The following ZMYM6 variants were observed in gnomAD, a reference collection of about 807,000 sequenced individuals.
ZMYM6 encodes zinc finger MYM-type protein 6.
Under a neutral mutation model 134.0 loss-of-function variants are expected in ZMYM6, and 90 were observed. That is an observed-to-expected ratio of 0.67 (90% CI 0.57 to 0.80). The LOEUF (loss-of-function observed/expected upper bound fraction) is 0.80. Ranked by LOEUF, ZMYM6 falls within the 30% of genes least tolerant of loss-of-function variation. ZMYM6 has a pLI of 0.00. For synonymous variants in ZMYM6, 481 were observed against 524.1 expected, an observed-to-expected ratio of 0.92 and a Z score of 1.12; for missense variants, 1,362 against 1,533.9, an observed-to-expected ratio of 0.89 and a Z score of 1.87.
intron 6 of ZMYM6, 43 bp from the exon 7 acceptor site, chr1:35,012,624 A>G (rs755543212): frequency 8.8e-6 from 14 of 1,588,018 alleles, no homozygotes; most frequent in Admixed American, 3.7e-5. Flanking sequence ...ACAAACATAC[A>G]TATTTACATA....
intron 14 of ZMYM6, among the ~76,000 whole-genome samples, chr1:35,003,599 ATAAAT>A (rs1365676024): frequency 6.6e-6 from 1 of 152,378 alleles, no homozygotes; most frequent in Non-Finnish European, 1.5e-5. Flanking sequence ...AAGAATTTAA[ATAAAT>A]TAAAGAACCT....
intron 8 of ZMYM6, among the ~76,000 whole-genome samples, chr1:35,011,476 G>A (rs1305456401): frequency 6.6e-6 from 1 of 152,198 alleles, no homozygotes; most frequent in African/African-American, 2.4e-5. Context: ...AGAGAGGGAG[G>A]AGAAAATGGG....
At position 35,012,702 on chromosome 1, in the gene ZMYM6, T is replaced by C. The variant is rs1265858735; in HGVS notation, c.796-121A>G. 2.7e-6 allele frequency: 4 copies of C among 1,459,492 alleles called. No homozygotes were observed. The East Asian group carries it at 1.0e-4, about 37-fold the overall frequency. The allele number at this position is 1,459,492 out of a possible 1,614,324, so 90.4% of individuals were successfully genotyped here. On this transcript the variant is annotated intron_variant, in intron 6 of 15. Coordinates refer to ENST00000357182, the MANE Select transcript of ZMYM6 (RefSeq NM_007167.4). ...CCTTGGTTGAAATATTTGAGCATGA[T>C]GATGAAACCACACTATTGGGAGGTG...
intron 14 of ZMYM6, among the ~76,000 whole-genome samples, chr1:34,998,542 T>C (rs567859940): frequency 5.7e-4 from 87 of 152,140 alleles, no homozygotes; most frequent in African/African-American, 2.0e-3. Context: ...AGGACAAAAA[T>C]GGAAGCAGGA....
In ZMYM6 at chr1:35,024,201, C is replaced by A. The variant is rs1269625207; in HGVS notation, c.94-3734G>T. Reference sequence around the variant, plus strand: ...CCTGCTATCTTACAGGAAAAGGAAACCTTCTTTTTAGCTATAGCTGAAATA... The same window carrying A: ...CCTGCTATCTTACAGGAAAAGGAAAACTTCTTTTTAGCTATAGCTGAAATA... On this transcript the variant is annotated intron_variant, in intron 2 of 15. Transcript: ENST00000357182. Among the ~76,000 whole-genome samples the A allele has an allele frequency of 2.6e-5, 4 of 152,130 alleles. No homozygotes were observed. The East Asian group carries it at 7.7e-4, about 29-fold the overall frequency.
rs189481296 is a variant in ZMYM6 at position 35,016,969 on chromosome 1, C to T, written c.429-1807G>A. On this transcript the variant is annotated intron_variant, in intron 4 of 15. Coordinates refer to ENST00000357182, the MANE Select transcript of ZMYM6 (RefSeq NM_007167.4). ...GCAGTGAGCTGGGATCACGCCACTG[C>T]ACTCCAGCCTGGGTGACAGAGTGAG... 9.0e-4 allele frequency among the ~76,000 whole-genome samples: 136 copies of T among 151,562 alleles called. 1 individual carries two copies. The East Asian group carries it at 0.017, about 19-fold the overall frequency.
Position 34,987,392 on chromosome 1 carries a change from G to A in ZMYM6, c.3690C>T (p.Phe1230=), listed in dbSNP as rs759993881. The change falls in exon 16 of 16, where the codon TTC becomes TTT. Residue 1230 remains phenylalanine (F), a synonymous_variant. Transcript: ENST00000357182. The stretch of plus-strand genomic sequence containing the variant: ...ATAGCTCTGTTAGCTTTTCTTCTTC[G>A]AAGTCGGTGAGATTATTATTTTGGT... ...MNHQNNNLTD[F]EEEKLTELSS... is the part of the protein sequence containing the mutation. 1.5e-5 allele frequency: 25 copies of A among 1,613,868 alleles called. No individual in the cohort carries two copies. The highest frequency in any genetic ancestry group is 1.7e-4 in the Middle Eastern group (1 of 6,060).
chr1:35,009,202 G>C (rs149574086), intron 10 of ZMYM6, among the ~76,000 whole-genome samples: 17 of 152,122 alleles, frequency 1.1e-4, no homozygotes, highest in Non-Finnish European at 1.9e-4. Flanking sequence ...AGGTTCAAAC[G>C]ATTCTCCTGC....
At position 34,987,151 on chromosome 1, in the gene ZMYM6, T is replaced by C; in HGVS notation, c.3931A>G (p.Thr1311Ala). 6.3e-7 allele frequency: 1 copy of C among 1,583,084 alleles called. No individual in the cohort carries two copies. Residue 1311 changes from threonine to alanine, a missense_variant, in exon 16 of 16, where the codon ACA (threonine) becomes GCA (alanine). Coordinates refer to ENST00000357182, the MANE Select transcript of ZMYM6 (RefSeq NM_007167.4). The stretch of plus-strand genomic sequence containing the variant: ...TTTTCTATCCTTGGAATTAAAGATG[T>C]GACTGCAAGTCTTAGGGCAGGGCCA... The part of the protein sequence containing the change: ...GSGPALRLAV[T>A]SLIPRIEKLV...
At position 35,019,459 on chromosome 1, in the gene ZMYM6, TATG is replaced by T. The variant is rs776618333; in HGVS notation, c.319_321del (p.His107del). 6.2e-7 allele frequency: 1 copy of T among 1,614,150 alleles called. No individual in the cohort carries two copies. Among genetic ancestry groups the T allele is most frequent in the Admixed American group, 1.7e-5 (1 of 60,004 alleles). On this transcript the variant is annotated inframe_deletion, in exon 4 of 16. Transcript: ENST00000357182. ...CAGAAGAGCTGAGTAGATCCTGTCT[TATG>T]ATATGCAGTTTGGCCCTTATAAAGC... is the stretch of plus-strand genomic sequence containing the variant.
chr1:35,025,249 C>T (rs1471028821), intron 2 of ZMYM6, among the ~76,000 whole-genome samples: 1 of 150,044 alleles, frequency 6.7e-6, no homozygotes, highest in East Asian at 2.1e-4. Context: ...TTTGGGAGGC[C>T]GAGGCAGGTA....
At chr1:34,989,339 AC>A in intron 15 of ZMYM6, 1 of 719,978 alleles carries the variant, frequency 1.4e-6, no homozygotes, top group Non-Finnish European at 1.7e-6. Context: ...GGAGTTAGAG[AC>A]CAGCCCGGGC....
intron 14 of ZMYM6, 45 bp from the exon 15 acceptor site, chr1:34,992,432 T>G: frequency 6.3e-7 from 1 of 1,586,354 alleles, no homozygotes; most frequent in Non-Finnish European, 8.6e-7. Flanking sequence ...TTTTTTTTAG[T>G]ACCTTATCAC....
Position 35,015,125 on chromosome 1 carries a change from A to C in ZMYM6, c.466T>G (p.Phe156Val), listed in dbSNP as rs1326596939. The change falls in exon 5 of 16, where the codon TTT becomes GTT. Residue 156 changes from phenylalanine to valine, a missense_variant. Transcript: ENST00000357182. ...TCTTTGCTAGGATAGGAATTCTCAA[A>C]GCGAGTTGTGATCACATCCTTAGGA... ...LNPKDVITTR[F>V]ENSYPSKDFC... is the part of the protein sequence containing the mutation. 1.9e-6 allele frequency: 3 copies of C among 1,611,742 alleles called. No homozygotes were observed. The highest frequency in any genetic ancestry group is 1.7e-4 in the Middle Eastern group (1 of 6,002).
intron 14 of ZMYM6, among the ~76,000 whole-genome samples, chr1:34,995,187 T>C (rs1217590249): frequency 6.8e-6 from 1 of 147,948 alleles, no homozygotes; most frequent in African/African-American, 2.5e-5. Flanking sequence ...ATATATATAA[T>C]TCCAGGTAGT....
intron 3 of ZMYM6, 147 bp from the exon 4 acceptor site, chr1:35,019,749 T>C (rs1443749154): frequency 1.0e-5 from 10 of 1,000,838 alleles, no homozygotes; most frequent in South Asian, 1.9e-5. Context: ...CAAGGCTCAC[T>C]GAAGCCTCAA....
chr1:35,028,329 AG>A (rs905364422), intron 2 of ZMYM6, among the ~76,000 whole-genome samples: 3 of 150,778 alleles, frequency 2.0e-5, no homozygotes, highest in Non-Finnish European at 4.4e-5. Context: ...AAAAAAAAAA[AG>A]GAATGATACT....
chr1:35,001,993 C>G (rs939686345), intron 14 of ZMYM6, among the ~76,000 whole-genome samples: 5 of 152,084 alleles, frequency 3.3e-5, no homozygotes, highest in African/African-American at 9.7e-5. Context: ...TTAGACTTGC[C>G]ACCACGAACA....
rs571824360 is a variant in ZMYM6 at position 35,004,027 on chromosome 1, A to G, written c.1955-22T>C. 75 of 1,590,066 alleles carry G rather than the reference A, an allele frequency of 4.7e-5. No homozygotes were observed. In the South Asian group the frequency reaches 7.5e-4, roughly 16 times the overall value. ...GCACCTGTTGTAAATTAAAACAAAT[A>G]TTATTATCCTTAGAATATACAGAAG... On this transcript the variant is annotated intron_variant, in intron 13 of 15. Coordinates refer to ENST00000357182, the MANE Select transcript of ZMYM6 (RefSeq NM_007167.4).
Sources: gnomAD v4.1 joint callset for allele counts (sites outside exome capture counted in the v4.1 genomes callset) on GRCh38, gnomAD v4.1.1 for gene constraint, MANE v1.5 for transcripts, NCBI Gene and HGNC (gene_info 2026-07-23, HGNC 2026-07-21) for gene names.